The following NPAS3 variants were observed in gnomAD, a reference collection of about 807,000 sequenced individuals.
The protein encoded by NPAS3 is neuronal PAS domain-containing protein 3.
Under a neutral mutation model 73.1 loss-of-function variants are expected in NPAS3, and 14 were observed. The observed-to-expected ratio is 0.19, with a 90% confidence interval of 0.13 to 0.30. The LOEUF (loss-of-function observed/expected upper bound fraction) is 0.30. Among genes scored for constraint, NPAS3 ranks in the 10% least tolerant of loss-of-function variants. NPAS3 has a pLI of 1.00. For missense variants in NPAS3, 1,096 were observed against 1,250.0 expected, an observed-to-expected ratio of 0.88 and a Z score of 1.86; for synonymous variants, 620 against 541.5, an observed-to-expected ratio of 1.14 and a Z score of -2.01.
At chr14:33,457,489 G>A (rs2050073898) in intron 4 of NPAS3, among the ~76,000 whole-genome samples, 1 of 152,212 alleles carries the variant, frequency 6.6e-6, no homozygotes, top group Non-Finnish European at 1.5e-5. Context: ...CATCCTCTGT[G>A]CATGCTGAGA....
At chr14:33,637,422 C>T (rs1375056042) in intron 5 of NPAS3, among the ~76,000 whole-genome samples, 3 of 152,164 alleles carry the variant, frequency 2.0e-5, no homozygotes, top group African/African-American at 7.2e-5. Flanking sequence ...TCCATTATAA[C>T]TAATTTTTCT....
intron 2 of NPAS3, among the ~76,000 whole-genome samples, chr14:33,202,558 T>C (rs1002266357): frequency 6.6e-6 from 1 of 152,100 alleles, no homozygotes; most frequent in Non-Finnish European, 1.5e-5. Context: ...GACTGAGCCT[T>C]TTTTTTAAAT....
chr14:33,653,830 T>C (rs191101218), intron 5 of NPAS3, among the ~76,000 whole-genome samples: 2 of 152,330 alleles, frequency 1.3e-5, no homozygotes, highest in Non-Finnish European at 2.9e-5. Context: ...CACTGCATGA[T>C]TGGAAGTTTT....
intron 9 of NPAS3, among the ~76,000 whole-genome samples, chr14:33,790,427 C>T (rs1014849559): frequency 2.6e-5 from 4 of 152,192 alleles, no homozygotes; most frequent in African/African-American, 9.6e-5. Flanking sequence ...ACTAAAAATC[C>T]TTTCAAACTG....
At chr14:33,454,624 C>T (rs2049943640) in intron 4 of NPAS3, among the ~76,000 whole-genome samples, 1 of 152,286 alleles carries the variant, frequency 6.6e-6, no homozygotes, top group African/African-American at 2.4e-5. Flanking sequence ...TAAGTATAGG[C>T]ATGCATTCAG....
intron 1 of NPAS3, among the ~76,000 whole-genome samples, chr14:33,001,135 A>G (rs2038790420): frequency 6.6e-6 from 1 of 152,216 alleles, no homozygotes; most frequent in South Asian, 2.1e-4. Flanking sequence ...CTACGCAGTT[A>G]TTCAGGGATG....
intron 4 of NPAS3, among the ~76,000 whole-genome samples, chr14:33,404,216 C>T (rs952643268): frequency 6.6e-6 from 1 of 152,036 alleles, no homozygotes; most frequent in Non-Finnish European, 1.5e-5. Flanking sequence ...GAAACCAAGT[C>T]CTTCATTGAG....
chr14:33,128,623 C>T (rs958489299), intron 2 of NPAS3, among the ~76,000 whole-genome samples: 1 of 152,216 alleles, frequency 6.6e-6, no homozygotes, highest in East Asian at 1.9e-4. Flanking sequence ...TCATTGTATT[C>T]CATACCCAGT....
chr14:33,330,823 G>T (rs900556145), intron 3 of NPAS3, among the ~76,000 whole-genome samples: 4 of 152,200 alleles, frequency 2.6e-5, no homozygotes, highest in Non-Finnish European at 5.9e-5. Flanking sequence ...TGAGGACAAA[G>T]AGAGAAGCTT....
At chr14:33,056,241 GA>G (rs1390695638) in intron 2 of NPAS3, among the ~76,000 whole-genome samples, 8 of 151,812 alleles carry the variant, frequency 5.3e-5, no homozygotes, top group East Asian at 3.9e-4. Flanking sequence ...TTTTTTTAAC[GA>G]CTGTATTAAA....
chr14:33,737,512 G>A (rs2140663373), intron 7 of NPAS3, among the ~76,000 whole-genome samples: 1 of 152,154 alleles, frequency 6.6e-6, no homozygotes, highest in African/African-American at 2.4e-5. Flanking sequence ...TCTTTCTCAA[G>A]ATACCATGAG....
At chr14:33,257,934 G>C (rs2048837496) in intron 3 of NPAS3, among the ~76,000 whole-genome samples, 1 of 152,162 alleles carries the variant, frequency 6.6e-6, no homozygotes, top group Non-Finnish European at 1.5e-5. Flanking sequence ...TGGGTGGTAT[G>C]ATAGAAAGAT....
At chr14:33,220,976 A>C (rs946353347) in intron 3 of NPAS3, among the ~76,000 whole-genome samples, 2 of 152,228 alleles carry the variant, frequency 1.3e-5, no homozygotes, top group Non-Finnish European at 2.9e-5. Flanking sequence ...AAGCAATCAC[A>C]ACATCTAAGT....
intron 4 of NPAS3, among the ~76,000 whole-genome samples, chr14:33,554,770 A>C (rs1398321459): frequency 1.3e-5 from 2 of 152,210 alleles, no homozygotes; most frequent in African/African-American, 4.8e-5. Flanking sequence ...CTGCAGAGGA[A>C]TATGCACAAA....
At chr14:32,965,026 GA>G (rs2037093939) in intron 1 of NPAS3, among the ~76,000 whole-genome samples, 2 of 152,182 alleles carry the variant, frequency 1.3e-5, no homozygotes, top group South Asian at 4.2e-4. Flanking sequence ...ATGAAAAATA[GA>G]AAACCTGAGC....
intron 5 of NPAS3, among the ~76,000 whole-genome samples, chr14:33,614,416 C>T (rs1161204593): frequency 6.6e-6 from 1 of 151,690 alleles, no homozygotes; most frequent in East Asian, 1.9e-4. Context: ...AGATGAGCAT[C>T]CTCAGTACTG....
At chr14:33,362,487 T>A (rs2140397274) in intron 3 of NPAS3, among the ~76,000 whole-genome samples, 1 of 152,292 alleles carries the variant, frequency 6.6e-6, no homozygotes, top group Non-Finnish European at 1.5e-5. Context: ...TTTTCTTCTA[T>A]GCCATGGAAA....
intron 4 of NPAS3, among the ~76,000 whole-genome samples, chr14:33,493,687 A>C (rs2139838603): frequency 1.3e-5 from 2 of 152,210 alleles, no homozygotes; most frequent in Middle Eastern, 6.8e-3. Context: ...GTGACTAAAA[A>C]CCAGCCAAAC....
intron 2 of NPAS3, among the ~76,000 whole-genome samples, chr14:33,140,018 T>C (rs1166834008): frequency 6.6e-6 from 1 of 152,162 alleles, no homozygotes; most frequent in East Asian, 1.9e-4. Flanking sequence ...TGTTGTTTGC[T>C]GTCAGTGCTC....
Sources: allele counts gnomAD v4.1 joint callset (sites outside exome capture counted in the v4.1 genomes callset), GRCh38; gene constraint gnomAD v4.1.1; transcripts MANE v1.5; gene names NCBI Gene and HGNC (gene_info 2026-07-23, HGNC 2026-07-21).